SPTBN1: variants seen among roughly 807,000 people sequenced by gnomAD.
SPTBN1 encodes spectrin beta chain, non-erythrocytic 1.
Under a neutral mutation model 266.4 loss-of-function variants are expected in SPTBN1, and 32 were observed. That is an observed-to-expected ratio of 0.12 (90% CI 0.09 to 0.16). The LOEUF is 0.16. SPTBN1 is among the 10% of genes least tolerant of loss of function. SPTBN1 has a pLI of 1.00. For synonymous variants in SPTBN1, 1,336 were observed against 1,162.2 expected (o/e 1.15, Z -3.04); for missense variants, 2,296 against 3,067.1 (o/e 0.75, Z 5.94).
chr2:54,470,980 C>T (rs1322976826), intron 1 of SPTBN1, among the ~76,000 whole-genome samples: 1 of 152,230 alleles, frequency 6.6e-6, no homozygotes, highest in Non-Finnish European at 1.5e-5. Flanking sequence ...CATTAGCTAT[C>T]ATTAGTGTTT....
chr2:54,609,474 C>G (rs1481467790), intron 3 of SPTBN1, among the ~76,000 whole-genome samples: 1 of 152,192 alleles, frequency 6.6e-6, no homozygotes, highest in Non-Finnish European at 1.5e-5. Context: ...ACAGCTTTTT[C>G]TGTAACAATG....
intron 1 of SPTBN1, among the ~76,000 whole-genome samples, chr2:54,477,304 C>A (rs971363854): frequency 6.6e-6 from 1 of 152,018 alleles, no homozygotes; most frequent in Non-Finnish European, 1.5e-5. Flanking sequence ...TAAGAAGGAG[C>A]AGCCTCCCCA....
intron 2 of SPTBN1, among the ~76,000 whole-genome samples, chr2:54,573,493 G>A (rs927833274): frequency 6.6e-6 from 1 of 152,146 alleles, no homozygotes; most frequent in African/African-American, 2.4e-5. Flanking sequence ...TGTGTGGCCG[G>A]TTCCTAATAG....
In SPTBN1 at chr2:54,631,468, C is replaced by T. The variant is rs1371716918; in HGVS notation, c.3421C>T (p.Arg1141Trp). The T allele has an allele frequency of 8.7e-6, 14 of 1,614,104 alleles. No homozygotes were observed. Among genetic ancestry groups the T allele is most frequent in the Non-Finnish European group, 1.2e-5 (14 of 1,180,038 alleles). The change falls in exon 16 of 36, where the codon CGG becomes TGG. Residue 1141 changes from arginine to tryptophan, a missense_variant. Arg to Trp is a moderately radical substitution (Grantham distance 101). This residue lies in a region of SPTBN1 where 386 missense variants were observed against 486.1 expected (regional missense o/e 0.79). Transcript: ENST00000356805. The stretch of plus-strand genomic sequence containing the variant: ...GACCGATGCCCAGTACATGTTTCTG[C>T]GGCAGCGGCTGCAGGCCCTGGACAC... ...GQTDAQYMFL[R>W]QRLQALDTGW...
intron 2 of SPTBN1, among the ~76,000 whole-genome samples, chr2:54,568,665 T>G (rs992918225): frequency 1.3e-4 from 20 of 152,290 alleles, no homozygotes; most frequent in Middle Eastern, 6.8e-3. Context: ...GTTCTAGAAA[T>G]TTGTGAGGTA....
At chr2:54,481,435 TGTG>T (rs1668099518) in intron 1 of SPTBN1, among the ~76,000 whole-genome samples, 1 of 87,380 alleles carries the variant, frequency 1.1e-5, no homozygotes, top group African/African-American at 5.8e-5. Flanking sequence ...TGTGTGTGTG[TGTG>T]TGTTTTGTTT....
Position 54,543,757 on chromosome 2 carries a change from T to A in SPTBN1, c.148+17191T>A, listed in dbSNP as rs550566538. On this transcript the variant is annotated intron_variant, in intron 2 of 35. Transcript: ENST00000356805. ...ATGGAAAAATACAATAAAAATATTTTAAACTTTTGATAAATTGGTCCCCCC... is the reference window on the plus strand; with the variant it reads ...ATGGAAAAATACAATAAAAATATTTAAAACTTTTGATAAATTGGTCCCCCC... Among the ~76,000 whole-genome samples the A allele has an allele frequency of 5.9e-5, 9 of 152,262 alleles. No individual in the cohort carries two copies. The East Asian group carries it at 1.5e-3, about 26-fold the overall frequency.
intron 2 of SPTBN1, among the ~76,000 whole-genome samples, chr2:54,585,753 C>G (rs1007353747): frequency 2.0e-5 from 3 of 152,054 alleles, no homozygotes; most frequent in African/African-American, 7.2e-5. Context: ...TCCCAGTGTC[C>G]TTATATTAGT....
intron 1 of SPTBN1, among the ~76,000 whole-genome samples, chr2:54,473,395 C>G (rs886307836): frequency 1.3e-5 from 2 of 152,134 alleles, no homozygotes; most frequent in African/African-American, 2.4e-5. Flanking sequence ...CAAATGAATT[C>G]TATATGGCAT....
At chr2:54,660,419 A>G (rs998233147) in intron 32 of SPTBN1, 9 of 1,087,018 alleles carry the variant, frequency 8.3e-6, no homozygotes, top group Non-Finnish European at 1.0e-5. Context: ...TGACACATTC[A>G]GTTATTCTAA....
At chr2:54,466,390 G>A (rs1048995366) in intron 1 of SPTBN1, among the ~76,000 whole-genome samples, 1 of 25,864 alleles carries the variant, frequency 3.9e-5, no homozygotes, top group Non-Finnish European at 6.0e-5. Flanking sequence ...GTGAAACCCC[G>A]TCTCTACTAA....
At position 54,659,240 on chromosome 2, in the gene SPTBN1, A is replaced by G. The variant is rs778107149; in HGVS notation, c.6330A>G (p.Ser2110=). ...CTCCCGAGCCGAGCACGAAGGTTTCAGAGGAAGCCGAGTCCCAGCAGCAGT... is the reference window on the plus strand; with the variant it reads ...CTCCCGAGCCGAGCACGAAGGTTTCGGAGGAAGCCGAGTCCCAGCAGCAGT... ...PPSPEPSTKV[S]EEAESQQQWD... The change falls in exon 31 of 36, where the codon TCA becomes TCG. Residue 2110 remains serine (S), a synonymous_variant. Transcript: ENST00000356805. The G allele has an allele frequency of 1.9e-6, 3 of 1,614,086 alleles. No homozygotes were observed. The South Asian group carries it at 3.3e-5, about 18-fold the overall frequency.
At chr2:54,552,397 T>A (rs1235402742) in intron 2 of SPTBN1, among the ~76,000 whole-genome samples, 1 of 152,064 alleles carries the variant, frequency 6.6e-6, no homozygotes, top group African/African-American at 2.4e-5. Flanking sequence ...ATGCCAACTT[T>A]TTAGGCACAG....
At position 54,668,661 on chromosome 2, in the gene SPTBN1, A is replaced by G; in HGVS notation, c.*92A>G. 2.8e-6 allele frequency: 3 copies of G among 1,083,002 alleles called. No individual in the cohort carries two copies. Among genetic ancestry groups the G allele is most frequent in the Admixed American group, 3.0e-5 (1 of 33,860 alleles). 67.1% of individuals were successfully genotyped at this position (1,083,002 alleles called of 1,614,324 possible). A position where few individuals can be genotyped will look rare whatever the true frequency, so the allele number is the denominator to read the frequency against. On this transcript the variant is annotated 3_prime_UTR_variant, in exon 36 of 36. Transcript: ENST00000356805. ...ACCAACACATTACTCTCTGTGCCTA[A>G]TGTTCCTCAATGTGGTTGATTTTTT... is the stretch of plus-strand genomic sequence containing the variant.
chr2:54,597,783 A>T (rs1573497819), intron 2 of SPTBN1, among the ~76,000 whole-genome samples: 2 of 151,420 alleles, frequency 1.3e-5, no homozygotes, highest in Admixed American at 1.3e-4. Flanking sequence ...GACTGGGCAC[A>T]TGCCTTATTA....
chr2:54,602,608 C>T (rs1003177368), intron 3 of SPTBN1, among the ~76,000 whole-genome samples: 2 of 152,162 alleles, frequency 1.3e-5, no homozygotes, highest in East Asian at 3.8e-4. Flanking sequence ...TGCCCTCCCC[C>T]AAACCCCACC....
rs778760121 is a variant in SPTBN1, at chr2:54,649,781, T to A, written c.5369T>A (p.Leu1790His). ...GGCCTCAATGAAGCCTGGGCCGACC[T>A]CCTGGAGCTCATTGACACAAGAACA... ...KDGLNEAWAD[L>H]LELIDTRTQI... Residue 1790 changes from leucine (L) to histidine (H), a missense_variant, in exon 26 of 36, where the codon CTC becomes CAC. Physicochemically the swap from Leu to His is moderately conservative, Grantham distance 99. Coordinates refer to ENST00000356805, the MANE Select transcript of SPTBN1 (RefSeq NM_003128.3). This position sits in a 1 kb window ranked among gnomAD's most constrained non-coding sequence, Gnocchi z 6.7. The A allele has an allele frequency of 3.1e-6, 5 of 1,614,064 alleles. No individual in the cohort carries two copies. In the African/African-American group the frequency reaches 6.7e-5, roughly 22 times the overall value.
At chr2:54,551,730 TG>T (rs1672576344) in intron 2 of SPTBN1, among the ~76,000 whole-genome samples, 3 of 151,846 alleles carry the variant, frequency 2.0e-5, no homozygotes, top group African/African-American at 4.8e-5. Flanking sequence ...GTGGGGGGAA[TG>T]GGGGGAAGGT....
At chr2:54,499,111 G>T (rs961350961) in intron 1 of SPTBN1, among the ~76,000 whole-genome samples, 19 of 148,754 alleles carry the variant, frequency 1.3e-4, no homozygotes, top group Non-Finnish European at 2.4e-4. Flanking sequence ...AAGCCTTCAG[G>T]TAGGGTTAAC....
Sources: gnomAD v4.1 joint callset for allele counts (sites outside exome capture counted in the v4.1 genomes callset) on GRCh38, gnomAD v4.1.1 for gene constraint, gnomAD v4.1.1 regional missense constraint, Gnocchi (gnomAD v3.1) non-coding constraint, MANE v1.5 for transcripts, NCBI Gene and HGNC (gene_info 2026-07-23, HGNC 2026-07-21) for gene names.